Variants in FAM131B observed in about 807,000 individuals in gnomAD.
FAM131B encodes protein FAM131B.
A neutral mutation model predicts 42.0 loss-of-function variants in FAM131B; 19 were observed. The observed-to-expected ratio is 0.45, with a 90% CI of 0.32 to 0.66. The LOEUF is 0.66. Ranked by LOEUF, FAM131B falls within the 30% of genes least tolerant of loss-of-function variation. FAM131B has a pLI of 0.05. For synonymous variants in FAM131B, 183 were observed against 177.6 expected (o/e 1.03, Z -0.24); for missense variants, 370 against 468.4 (o/e 0.79, Z 1.94).
At chr7:143,364,816 AG>A (rs1313905496), upstream of FAM131B, among the ~76,000 whole-genome samples, 1 of 152,242 alleles carries the variant, frequency 6.6e-6, no homozygotes, top group African/African-American at 2.4e-5. Flanking sequence ...GCACAAAAAA[AG>A]TTTAAGAACT....
chr7:143,380,783 C>T, the FAM131B span: 1 of 985,222 alleles, frequency 1.0e-6, no homozygotes, highest in African/African-American at 1.7e-5. The surrounding 1 kb of genome is among the most constrained non-coding windows in gnomAD (Gnocchi z 5.0). Context: ...CACCCCCCAT[C>T]CCCGTGCACC....
chr7:143,380,008 T>C, the FAM131B span: 1 of 959,472 alleles, frequency 1.0e-6, no homozygotes. This position sits in a 1 kb window ranked among gnomAD's most constrained non-coding sequence, Gnocchi z 5.0. Flanking sequence ...GGATGATCTC[T>C]AAAACATGGC....
At position 143,358,889 on chromosome 7, in the gene FAM131B, C is replaced by T. The variant is rs765960486; in HGVS notation, c.404G>A (p.Arg135His). Residue 135 changes from arginine (R) to histidine (H), a missense_variant, in exon 5 of 7, where the codon CGC becomes CAC. Physicochemically the swap from Arg to His is conservative, Grantham distance 29. Transcript: ENST00000443739. This position sits in a 1 kb window ranked among gnomAD's most constrained non-coding sequence, Gnocchi z 4.7. ...VQPQHSHESVRRDTDAYSDLS... is the reference protein window; with the variant it reads ...VQPQHSHESVHRDTDAYSDLS... ...GTCGGAGTAGGCATCCGTATCCCTGCGCACGGACTCATGGCTGTGTTGTGG... is the reference window on the plus strand; with the variant it reads ...GTCGGAGTAGGCATCCGTATCCCTGTGCACGGACTCATGGCTGTGTTGTGG... 43 of 1,614,030 alleles carry T rather than the reference C, an allele frequency of 2.7e-5. No individual in the cohort carries two copies. Among genetic ancestry groups the T allele is most frequent in the South Asian group, 4.4e-5 (4 of 91,088 alleles).
the FAM131B span, among the ~76,000 whole-genome samples, chr7:143,371,437 CCTTGT>C: frequency 6.6e-6 from 1 of 151,468 alleles, no homozygotes; most frequent in Non-Finnish European, 1.5e-5. Context: ...CATATGGAGA[CCTTGT>C]CTTTACAAAA....
At chr7:143,357,093 C>G in intron 6 of FAM131B, 71 bp from the exon 7 acceptor site, 2 of 1,229,842 alleles carry the variant, frequency 1.6e-6, no homozygotes, top group Non-Finnish European at 2.4e-6. Flanking sequence ...ACAGACAGCA[C>G]AAGAGACAGC....
chr7:143,372,772 G>A, the FAM131B span, among the ~76,000 whole-genome samples: 3 of 151,906 alleles, frequency 2.0e-5, no homozygotes, highest in Non-Finnish European at 4.4e-5. Context: ...CAGCCTCGCC[G>A]ACATGGTGAA....
chr7:143,379,119 T>A, the FAM131B span, among the ~76,000 whole-genome samples: 1 of 152,268 alleles, frequency 6.6e-6, no homozygotes. Context: ...ACACATACTC[T>A]ATTTTGCACG....
chr7:143,365,861 G>C (rs558958061), upstream of FAM131B, among the ~76,000 whole-genome samples: 1 of 152,054 alleles, frequency 6.6e-6, no homozygotes, highest in Non-Finnish European at 1.5e-5. Context: ...CACCCGCCTT[G>C]GTCTCCCAAA....
the FAM131B span, among the ~76,000 whole-genome samples, chr7:143,376,692 C>T: frequency 6.6e-6 from 1 of 152,226 alleles, no homozygotes; most frequent in African/African-American, 2.4e-5. Flanking sequence ...GCAGTTCCCT[C>T]AGGGAGAGAT....
Position 143,356,615 on chromosome 7 carries a change from C to A in FAM131B, c.1018G>T (p.Val340Leu), listed in dbSNP as rs752314659. ...ACACCTGAGGATGTGACGTCAGACA[C>A]CTTCCGGCTGAGAGCGGTAGACATC... ...PEMSTALSRK[V>L]SDVTSSGVQS... Residue 340 changes from valine to leucine, a missense_variant, in exon 7 of 7, where the codon GTG (valine) becomes TTG (leucine). Val to Leu is a conservative substitution (Grantham distance 32). Transcript: ENST00000443739. This position sits in a 1 kb window ranked among gnomAD's most constrained non-coding sequence, Gnocchi z 4.4. 2 of 1,614,030 alleles carry A rather than the reference C, an allele frequency of 1.2e-6. No individual in the cohort carries two copies. Among genetic ancestry groups the A allele is most frequent in the Non-Finnish European group, 1.7e-6 (2 of 1,180,008 alleles).
the FAM131B span, chr7:143,381,274 C>T: frequency 9.4e-6 from 10 of 1,064,030 alleles, no homozygotes; most frequent in Non-Finnish European, 1.1e-5. Context: ...CTCCCCGCCC[C>T]CTCTCTTCTC....
Position 143,357,267 on chromosome 7 carries a change from G to C in FAM131B, c.610+13C>G, listed in dbSNP as rs767714310. ...CATAGGCTCCAGAGTTTGGATTCTGGAACATCTCTCACCCTGACTGTCCAT... is the reference window on the plus strand; with the variant it reads ...CATAGGCTCCAGAGTTTGGATTCTGCAACATCTCTCACCCTGACTGTCCAT... On this transcript the variant is annotated intron_variant, in intron 6 of 6. Coordinates refer to ENST00000443739, the MANE Select transcript of FAM131B (RefSeq NM_001031690.3). The C allele has an allele frequency of 6.2e-7, 1 of 1,613,286 alleles. No homozygotes were observed. Among genetic ancestry groups the C allele is most frequent in the South Asian group, 1.1e-5 (1 of 90,832 alleles).
Position 143,356,922 on chromosome 7 carries a change from C to T in FAM131B, c.711G>A (p.Gln237=), listed in dbSNP as rs765505371. Residue 237 remains glutamine, a synonymous_variant, in exon 7 of 7, where the codon CAG becomes CAA. Transcript: ENST00000443739. This position sits in a 1 kb window ranked among gnomAD's most constrained non-coding sequence, Gnocchi z 4.4. Reference sequence around the variant, plus strand: ...CTGTGGCCGGAGAGGCAATGAGGGACTGATCGCTGGCTTCCCAGGCATCTG... The same window carrying T: ...CTGTGGCCGGAGAGGCAATGAGGGATTGATCGCTGGCTTCCCAGGCATCTG... ...GSSDAWEASD[Q]SLIASPATGS... is the part of the protein sequence containing the mutation. The T allele has an allele frequency of 3.1e-6, 5 of 1,614,086 alleles. No homozygotes were observed. The South Asian group carries it at 3.3e-5, about 11-fold the overall frequency.
Position 143,360,155 on chromosome 7 carries a change from GGGGCCAGAAGGTTA to G in FAM131B, c.29-20_29-7del. 2 of 1,603,144 alleles carry G rather than the reference GGGGCCAGAAGGTTA, an allele frequency of 1.2e-6. No homozygotes were observed. The highest frequency in any genetic ancestry group is 1.7e-6 in the Non-Finnish European group (2 of 1,174,704). On this transcript the variant is annotated splice_polypyrimidine_tract_variant and splice_region_variant and intron_variant, in intron 1 of 6. Transcript: ENST00000443739. Reference sequence around the variant, plus strand: ...CACTGCAATCACCTCATTCCCTGAGGGGGCCAGAAGGTTAGCCGCCGGCCCTCACCTCCCTGTGC... The same window carrying G: ...CACTGCAATCACCTCATTCCCTGAGGGCCGCCGGCCCTCACCTCCCTGTGC...
At chr7:143,363,109 A>C (rs999514621), upstream of FAM131B, among the ~76,000 whole-genome samples, 1 of 151,958 alleles carries the variant, frequency 6.6e-6, no homozygotes, top group Non-Finnish European at 1.5e-5. Context: ...GGTGAGAATA[A>C]AGCCAGGCCC....
In FAM131B at chr7:143,359,627, T is replaced by A; in HGVS notation, c.174+105A>T. On this transcript the variant is annotated intron_variant, in intron 3 of 6. Transcript: ENST00000443739. The surrounding 1 kb of genome is among the most constrained non-coding windows in gnomAD (Gnocchi z 5.4). ...AGGTTGAGAACGTGAGTGCTCACAG[T>A]GCCTATTGGAGCCAGGGAATACCGT... 8.7e-7 allele frequency: 1 copy of A among 1,147,310 alleles called. No homozygotes were observed. The highest frequency in any genetic ancestry group is 1.3e-5 in the South Asian group (1 of 75,874). 71.1% of individuals were successfully genotyped at this position (1,147,310 alleles called of 1,614,324 possible).
chr7:143,357,270 C>T lies in FAM131B; in HGVS notation c.610+10G>A, dbSNP rs1205121136. The T allele has an allele frequency of 1.9e-6, 3 of 1,613,096 alleles. No individual in the cohort carries two copies. The highest frequency in any genetic ancestry group is 2.7e-5 in the African/African-American group (2 of 74,880). The stretch of plus-strand genomic sequence containing the variant: ...AGGCTCCAGAGTTTGGATTCTGGAA[C>T]ATCTCTCACCCTGACTGTCCATCAG... On this transcript the variant is annotated intron_variant, in intron 6 of 6. Coordinates refer to ENST00000443739, the MANE Select transcript of FAM131B (RefSeq NM_001031690.3).
chr7:143,361,945 C>G, intron 1 of FAM131B: 1 of 663,668 alleles, frequency 1.5e-6, no homozygotes, highest in Non-Finnish European at 1.9e-6. Context: ...TCCCTCCACC[C>G]GGCCCTGGCC....
rs1157107833 is a variant in FAM131B, at chr7:143,362,108, G to T, written c.28+468C>A. 1.3e-5 allele frequency: 12 copies of T among 946,862 alleles called. No individual in the cohort carries two copies. Among genetic ancestry groups the T allele is most frequent in the Non-Finnish European group, 1.5e-5 (12 of 794,086 alleles). 58.7% of individuals were successfully genotyped at this position (946,862 alleles called of 1,614,324 possible). On this transcript the variant is annotated intron_variant, in intron 1 of 6. Coordinates refer to ENST00000443739, the MANE Select transcript of FAM131B (RefSeq NM_001031690.3). This position sits in a 1 kb window ranked among gnomAD's most constrained non-coding sequence, Gnocchi z 7.7. ...GGCAAAGCACCCGAGCCAGATGGAG[G>T]CGGCGGCGGGGGGTGGCGTGGGGGG...
Sources: allele counts gnomAD v4.1 joint callset (sites outside exome capture counted in the v4.1 genomes callset), GRCh38; gene constraint gnomAD v4.1.1; non-coding constraint Gnocchi (gnomAD v3.1); transcripts MANE v1.5; gene names NCBI Gene and HGNC (gene_info 2026-07-23, HGNC 2026-07-21).